KDR: variants seen among roughly 807,000 people sequenced by gnomAD.
The protein encoded by KDR is vascular endothelial growth factor receptor 2.
KDR carries 43 observed loss-of-function variants against 160.9 expected under a neutral mutation model. The ratio of observed to expected loss-of-function variants is 0.27; its 90% confidence interval spans 0.21 to 0.34. KDR has a LOEUF of 0.34. KDR is among the 10% of genes least tolerant of loss of function. The pLI is 1.00. For missense variants in KDR, 1,469 were observed against 1,666.4 expected (o/e 0.88, Z 2.06); for synonymous variants, 617 against 600.1 (o/e 1.03, Z -0.41).
chr4:55,121,955 T>C (rs1720891893), intron 1 of KDR, among the ~76,000 whole-genome samples: 1 of 152,222 alleles, frequency 6.6e-6, no homozygotes, highest in Non-Finnish European at 1.5e-5. Flanking sequence ...TGAAAAATTT[T>C]CCCAGTTTCA....
chr4:55,110,001 C>T (rs7654599), intron 9 of KDR, among the ~76,000 whole-genome samples: 86,127 of 152,026 alleles, frequency 0.57, 24,941 homozygotes, highest in East Asian at 0.77. Flanking sequence ...TCAACTACAA[C>T]ATCAAACTAG....
rs1162109993 is a variant in KDR, at chr4:55,117,120, C to T, written c.358+1484G>A. On this transcript the variant is annotated intron_variant, in intron 3 of 29. Transcript: ENST00000263923. ...TTTGGAAGCTAAATTAACCCTTTGA[C>T]GTAAGACTAAACCTATTTAGTAAAT... Among the ~76,000 whole-genome samples the T allele has an allele frequency of 2.0e-5, 3 of 152,056 alleles. No individual in the cohort carries two copies. The South Asian group carries it at 6.2e-4, about 32-fold the overall frequency.
intron 22 of KDR, among the ~76,000 whole-genome samples, chr4:55,092,064 A>G (rs954403041): frequency 6.6e-6 from 1 of 152,298 alleles, no homozygotes; most frequent in East Asian, 1.9e-4. Context: ...TCATGCCAAG[A>G]TATCTGTAAG....
chr4:55,111,684 T>C lies in KDR; in HGVS notation c.977-916A>G, dbSNP rs76213522. ...AAGCCAGAGCACATCTCTCTCTGTG[T>C]ATTTTGACAAGTGCATCTTGGCAAG... On this transcript the variant is annotated intron_variant, in intron 7 of 29. Transcript: ENST00000263923. Among the ~76,000 whole-genome samples, 1,066 of 152,350 alleles carry C rather than the reference T, an allele frequency of 7.0e-3. 16 individuals are homozygous for C. The highest frequency in any genetic ancestry group is 0.025 in the African/African-American group (1,019 of 41,578).
Position 55,110,692 on chromosome 4 carries a change from A to G in KDR, c.1053T>C (p.Pro351=), listed in dbSNP as rs1000999693. 6.2e-7 allele frequency: 1 copy of G among 1,613,910 alleles called. No individual in the cohort carries two copies. Among genetic ancestry groups the G allele is most frequent in the Non-Finnish European group, 8.5e-7 (1 of 1,179,950 alleles). Reference sequence around the variant, plus strand: ...GGGGTGGGTAACCAAGGTACTTCGCAGGGATTCTGACACGCTCCCCCACCG... The same window carrying G: ...GGGGTGGGTAACCAAGGTACTTCGCGGGGATTCTGACACGCTCCCCCACCG... ...EATVGERVRI[P]AKYLGYPPPE... Residue 351 remains proline (P), a synonymous_variant, in exon 8 of 30, where the codon CCT becomes CCC. Transcript: ENST00000263923.
rs1560519153 is a variant in KDR at position 55,104,915 on chromosome 4, G to T, written c.1715C>A (p.Thr572Asn). The T allele has an allele frequency of 1.2e-6, 2 of 1,613,950 alleles. No individual in the cohort carries two copies. Among genetic ancestry groups the T allele is most frequent in the South Asian group, 1.1e-5 (1 of 91,078 alleles). ...TEQESVSLWCTADRSTFENLT... is the reference protein window; with the variant it reads ...TEQESVSLWCNADRSTFENLT... ...GTTCTCAAACGTAGATCTGTCTGCAGTGCACCACAAAGACACGCTCTCCTG... is the reference window on the plus strand; with the variant it reads ...GTTCTCAAACGTAGATCTGTCTGCATTGCACCACAAAGACACGCTCTCCTG... The change falls in exon 13 of 30, where the codon ACT becomes AAT. Residue 572 changes from threonine to asparagine, a missense_variant. Around this residue, in one of 7 missense-constraint regions of KDR, gnomAD observed 792 missense variants for 840.9 expected, o/e 0.94. Transcript: ENST00000263923.
intron 18 of KDR, 169 bp from the exon 19 acceptor site, chr4:55,096,511 T>C (rs77206700): frequency 0.019 from 11,373 of 594,032 alleles, 934 homozygotes; most frequent in African/African-American, 0.18. Flanking sequence ...TAAATTCTAT[T>C]TTCTAATTTG....
In KDR at chr4:55,110,448, T is replaced by A; in HGVS notation, c.1210A>T (p.Ile404Phe). ...GNYTVILTNP[I>F]SKEKQSHVVS... ...ACATGGCTCTGCTTCTCCTTTGAAA[T>A]GGGATTGGTAAGGATGACAGTGTAA... The change falls in exon 9 of 30, where the codon ATT (isoleucine) becomes TTT (phenylalanine). Residue 404 changes from isoleucine to phenylalanine, a missense_variant. This residue lies in a region of KDR where 792 missense variants were observed against 840.9 expected (regional missense o/e 0.94). Transcript: ENST00000263923. The A allele has an allele frequency of 6.2e-7, 1 of 1,614,056 alleles. No homozygotes were observed. Among genetic ancestry groups the A allele is most frequent in the Non-Finnish European group, 8.5e-7 (1 of 1,179,968 alleles).
At chr4:55,117,611 T>A (rs1282037349) in intron 3 of KDR, among the ~76,000 whole-genome samples, 1 of 152,260 alleles carries the variant, frequency 6.6e-6, no homozygotes, top group Non-Finnish European at 1.5e-5. Flanking sequence ...AGCAGAGATA[T>A]GCAAGTGTGT....
chr4:55,120,430 G>C lies in KDR; in HGVS notation c.161+667C>G, dbSNP rs76937840. ...AAGGGTTGAAAGGCAAAATTTAAAG[G>C]CCTCTTCTTCTTGACAAAGAAGTCT... is the stretch of plus-strand genomic sequence containing the variant. On this transcript the variant is annotated intron_variant, in intron 2 of 29. Coordinates refer to ENST00000263923, the MANE Select transcript of KDR (RefSeq NM_002253.4). Among the ~76,000 whole-genome samples the C allele has an allele frequency of 7.6e-4, 115 of 152,088 alleles. 1 individual carries two copies. Among genetic ancestry groups the C allele is most frequent in the African/African-American group, 2.4e-3 (101 of 41,472 alleles).
At chr4:55,081,622 A>G (rs1719737562) in intron 29 of KDR, among the ~76,000 whole-genome samples, 1 of 152,212 alleles carries the variant, frequency 6.6e-6, no homozygotes, top group Non-Finnish European at 1.5e-5. Flanking sequence ...AGAGTCCACA[A>G]AGATTGTAAT....
rs1720151195 is a variant in KDR, at chr4:55,096,251, T to C, written c.2706A>G (p.Leu902=). 7 of 1,612,692 alleles carry C rather than the reference T, an allele frequency of 4.3e-6. No individual in the cohort carries two copies. Among genetic ancestry groups the C allele is most frequent in the Non-Finnish European group, 5.9e-6 (7 of 1,178,938 alleles). The change falls in exon 19 of 30, where the codon CTA becomes CTG. Residue 902 remains leucine (L), a synonymous_variant. Transcript: ENST00000263923. Reference sequence around the variant, plus strand: ...CACCTCCTGGCTTGGTACAGGCACCTAGAAGGTTGACCACATTGAGATGGT... The same window carrying C: ...CACCTCCTGGCTTGGTACAGGCACCCAGAAGGTTGACCACATTGAGATGGT... ...IGHHLNVVNL[L]GACTKPGGPL...
chr4:55,123,043 T>G (rs1482362825), intron 1 of KDR: 1 of 152,202 alleles, frequency 6.6e-6, no homozygotes, highest in East Asian at 1.9e-4. Context: ...AGTGCTGGGA[T>G]TACAGGAATG....
chr4:55,110,394 T>G lies in KDR; in HGVS notation c.1255+9A>C. 1 of 1,613,730 alleles carries G rather than the reference T, an allele frequency of 6.2e-7. No individual in the cohort carries two copies. Among genetic ancestry groups the G allele is most frequent in the Non-Finnish European group, 8.5e-7 (1 of 1,179,694 alleles). On this transcript the variant is annotated intron_variant, in intron 9 of 29. Coordinates refer to ENST00000263923, the MANE Select transcript of KDR (RefSeq NM_002253.4). Reference sequence around the variant, plus strand: ...ATCTTGGGCAGAGAGGAAAATTGAATGGACTCACCATACACAACCAGAGAG... The same window carrying G: ...ATCTTGGGCAGAGAGGAAAATTGAAGGGACTCACCATACACAACCAGAGAG...
chr4:55,105,071 T>C (rs1433251721), intron 12 of KDR, 87 bp from the exon 13 acceptor site: 5 of 1,107,504 alleles, frequency 4.5e-6, no homozygotes, highest in South Asian at 1.3e-5. Context: ...TACTACAAAG[T>C]ACCAAAAGAA....
At chr4:55,102,059 T>G (rs1720325966) in intron 14 of KDR, 31 bp from the exon 15 acceptor site, 1 of 1,613,182 alleles carries the variant, frequency 6.2e-7, no homozygotes, top group African/African-American at 1.3e-5. Context: ...TCATTCTCAT[T>G]TATGATGATG....
rs33978472 is a variant in KDR, at chr4:55,079,655, TA to T, written c.*285del. On this transcript the variant is annotated 3_prime_UTR_variant, in exon 30 of 30. Coordinates refer to ENST00000263923, the MANE Select transcript of KDR (RefSeq NM_002253.4). ...GGCCATTTCTTGAACGTCTTTGTTC[TA>T]AACCCATGGTGAGACCCGCAGCAGG... 25,277 of 491,740 alleles carry T rather than the reference TA, an allele frequency of 0.051. 858 individuals are homozygous for T. Among genetic ancestry groups the T allele is most frequent in the South Asian group, 0.086 (3,965 of 45,924 alleles). 30.5% of individuals were successfully genotyped at this position (491,740 alleles called of 1,614,324 possible).
At chr4:55,086,148 C>G (rs1219303227) in intron 27 of KDR, among the ~76,000 whole-genome samples, 1 of 152,190 alleles carries the variant, frequency 6.6e-6, no homozygotes, top group Non-Finnish European at 1.5e-5. Context: ...TCTGAGGGCC[C>G]TCCTTGGCAT....
Position 55,081,965 on chromosome 4 carries a change from G to A in KDR, c.3839C>T (p.Pro1280Leu), listed in dbSNP as rs1719744344. ...TATGGCTGAGTCTTACCCAAAAGAT[G>A]GAGATAATTTGGTTCTGTCTTCCAA... is the stretch of plus-strand genomic sequence containing the variant. ...KTLEDRTKLS[P>L]SFGGMVPSKS... The change falls in exon 29 of 30, where the codon CCA (proline) becomes CTA (leucine). Residue 1280 changes from proline to leucine, a missense_variant. Pro to Leu is a moderately conservative substitution (Grantham distance 98). Coordinates refer to ENST00000263923, the MANE Select transcript of KDR (RefSeq NM_002253.4). The A allele has an allele frequency of 1.2e-6, 2 of 1,608,552 alleles. No individual in the cohort carries two copies. Among genetic ancestry groups the A allele is most frequent in the Non-Finnish European group, 1.7e-6 (2 of 1,174,918 alleles).
Sources: gnomAD v4.1 joint callset for allele counts (sites outside exome capture counted in the v4.1 genomes callset) on GRCh38, gnomAD v4.1.1 for gene constraint, gnomAD v4.1.1 regional missense constraint, MANE v1.5 for transcripts, NCBI Gene and HGNC (gene_info 2026-07-23, HGNC 2026-07-21) for gene names.